The following PRELID2 variants were observed in gnomAD, a reference collection of about 807,000 sequenced individuals.
PRELID2 encodes PRELI domain-containing protein 2.
A neutral mutation model predicts 28.4 loss-of-function variants in PRELID2; 25 were observed. The observed-to-expected ratio is 0.88, with a 90% confidence interval of 0.64 to 1.23. The LOEUF (loss-of-function observed/expected upper bound fraction) is 1.23, where lower values mean the gene tolerates loss of function less well. PRELID2 is among the 50% of genes most tolerant of loss of function. The probability of loss-of-function intolerance (pLI) is 0.00; values close to 1 mark genes in which losing one functional copy is unlikely to be tolerated. For missense variants in PRELID2, 201 were observed against 214.4 expected, an observed-to-expected ratio of 0.94 and a Z score of 0.39; for synonymous variants, 76 against 71.6, an observed-to-expected ratio of 1.06 and a Z score of -0.31.
At chr5:145,440,533 A>G in the PRELID2 span, among the ~76,000 whole-genome samples, 5 of 152,160 alleles carry the variant, frequency 3.3e-5, no homozygotes, top group African/African-American at 1.2e-4. Flanking sequence ...CACTGGCCAA[A>G]TTATTAAGCA....
chr5:145,640,385 A>C (rs532596570), intron 1 of PRELID2, among the ~76,000 whole-genome samples: 1 of 151,028 alleles, frequency 6.6e-6, no homozygotes, highest in South Asian at 2.1e-4. Context: ...CTGAGGCAGG[A>C]GAATGGCGTG....
the PRELID2 span, among the ~76,000 whole-genome samples, chr5:145,248,252 C>T: frequency 2.0e-5 from 3 of 151,860 alleles, no homozygotes; most frequent in Admixed American, 1.3e-4. Context: ...GGAAAGAGGC[C>T]CTTGGTAAAA....
At chr5:145,764,023 G>T (rs1757603794) in intron 6 of PRELID2, among the ~76,000 whole-genome samples, 1 of 151,450 alleles carries the variant, frequency 6.6e-6, no homozygotes, top group Non-Finnish European at 1.5e-5. Flanking sequence ...TTGCAGAGAG[G>T]TGGAGGCTGC....
the PRELID2 span, among the ~76,000 whole-genome samples, chr5:145,253,310 T>C: frequency 6.6e-6 from 1 of 152,170 alleles, no homozygotes; most frequent in Non-Finnish European, 1.5e-5. Flanking sequence ...TATCATGGAA[T>C]ACTTATGCTG....
At chr5:145,394,281 A>G in the PRELID2 span, among the ~76,000 whole-genome samples, 1 of 152,120 alleles carries the variant, frequency 6.6e-6, no homozygotes, top group Non-Finnish European at 1.5e-5. Context: ...TGTCCTTTGT[A>G]GGGACATGGA....
At chr5:145,798,788 C>A (rs1752934287) in intron 4 of PRELID2, among the ~76,000 whole-genome samples, 3 of 152,078 alleles carry the variant, frequency 2.0e-5, no homozygotes, top group Admixed American at 2.0e-4. Context: ...AAACCAAACA[C>A]CACATGTTCT....
At position 145,657,374 on chromosome 5, in the gene PRELID2, G is replaced by A. The variant is rs111241131; in HGVS notation, n.70+107557C>T. Among the ~76,000 whole-genome samples the A allele has an allele frequency of 8.2e-3, 1,250 of 152,240 alleles. 24 individuals are homozygous for A. The highest frequency in any genetic ancestry group is 0.029 in the African/African-American group (1,198 of 41,554). ...AATTACTGGATGACTCTACCTGCTG[G>A]CCTCATCAAGGATACATTAGCTGAA... On this transcript the variant is annotated intron_variant and non_coding_transcript_variant, in intron 1 of 2. Transcript: ENST00000510259.
At chr5:145,799,697 G>A (rs998259292) in intron 4 of PRELID2, among the ~76,000 whole-genome samples, 2 of 152,206 alleles carry the variant, frequency 1.3e-5, no homozygotes, top group Non-Finnish European at 2.9e-5. Context: ...TAAGGTGGGT[G>A]TGGGAGATGT....
chr5:145,605,599 G>A (rs116968831), intron 1 of PRELID2, among the ~76,000 whole-genome samples: 2,229 of 152,156 alleles, frequency 0.015, 109 homozygotes, highest in Admixed American at 0.097. Context: ...TTTGAAGTTG[G>A]GTAACATGAT....
chr5:145,760,866 GTTAT>G lies in PRELID2; in HGVS notation c.*11-345_*11-342del, dbSNP rs1757441039. 1.3e-5 allele frequency among the ~76,000 whole-genome samples: 2 copies of G among 152,156 alleles called. 1 individual carries two copies. The highest frequency in any genetic ancestry group is 4.1e-4 in the South Asian group (2 of 4,832). ...GTGGCAAGAACAGACAGCTGTCAGG[GTTAT>G]TTGTTTTATTCAAAAATGACAGGAA... On this transcript the variant is annotated intron_variant, in intron 6 of 6. Coordinates refer to ENST00000683046, the MANE Select transcript of PRELID2 (RefSeq NM_205846.3).
At chr5:145,367,974 T>G in the PRELID2 span, among the ~76,000 whole-genome samples, 2,332 of 152,074 alleles carry the variant, frequency 0.015, 54 homozygotes, top group African/African-American at 0.053. Context: ...CTTAATCATA[T>G]GATACAATTA....
chr5:145,383,373 C>A, the PRELID2 span, among the ~76,000 whole-genome samples: 1 of 149,426 alleles, frequency 6.7e-6, no homozygotes, highest in Non-Finnish European at 1.5e-5. Flanking sequence ...TATATATATA[C>A]ACACACACAT....
chr5:145,405,700 T>G, the PRELID2 span, among the ~76,000 whole-genome samples: 1 of 51,376 alleles, frequency 1.9e-5, no homozygotes. Context: ...TACCACATAG[T>G]TGTTTTTTTT....
the PRELID2 span, among the ~76,000 whole-genome samples, chr5:145,324,358 G>A: frequency 6.6e-6 from 1 of 152,166 alleles, no homozygotes; most frequent in Non-Finnish European, 1.5e-5. Flanking sequence ...CCAGTGGAAT[G>A]TCTAAAACTA....
intron 1 of PRELID2, among the ~76,000 whole-genome samples, chr5:145,508,021 C>T (rs778413422): frequency 2.0e-5 from 3 of 152,126 alleles, no homozygotes; most frequent in Admixed American, 6.6e-5. Flanking sequence ...TTAGCATTAA[C>T]TTTGCATTAG....
chr5:145,464,648 T>C, the PRELID2 span, among the ~76,000 whole-genome samples: 9 of 152,280 alleles, frequency 5.9e-5, no homozygotes, highest in African/African-American at 1.7e-4. Flanking sequence ...ATGGATGTAT[T>C]TGGACATGTG....
chr5:145,586,638 A>G (rs568494375), intron 1 of PRELID2, among the ~76,000 whole-genome samples: 1 of 152,206 alleles, frequency 6.6e-6, no homozygotes, highest in East Asian at 1.9e-4. Context: ...ATAAGCTCCT[A>G]TGGGCATAGA....
At chr5:145,739,690 T>C (rs1398822760) in intron 1 of PRELID2, among the ~76,000 whole-genome samples, 1 of 152,090 alleles carries the variant, frequency 6.6e-6, no homozygotes, top group African/African-American at 2.4e-5. Context: ...AAATAATTGA[T>C]TATAAACAGG....
rs549924012 is a variant in PRELID2, at chr5:145,824,008, C to A, written c.76-874G>T. 3.9e-5 allele frequency among the ~76,000 whole-genome samples: 6 copies of A among 152,214 alleles called. No individual in the cohort carries two copies. The East Asian group carries it at 5.8e-4, about 15-fold the overall frequency. On this transcript the variant is annotated intron_variant, in intron 1 of 6. Coordinates refer to ENST00000683046, the MANE Select transcript of PRELID2 (RefSeq NM_205846.3). The stretch of plus-strand genomic sequence containing the variant: ...TGTATCTGGGGGGTAACATAATTTA[C>A]CCCCGATACTTTCTGCCAGCCTGCA...
Sources: gnomAD v4.1 joint callset for allele counts (sites outside exome capture counted in the v4.1 genomes callset) on GRCh38, gnomAD v4.1.1 for gene constraint, MANE v1.5 for transcripts, NCBI Gene and HGNC (gene_info 2026-07-23, HGNC 2026-07-21) for gene names.